Variants in GRIK1 observed in about 807,000 individuals in gnomAD.
GRIK1 encodes the protein glutamate ionotropic receptor kainate type subunit 1, also known as glutamate receptor ionotropic, kainate 1.
GRIK1 carries 69 observed loss-of-function variants against 105.7 expected under a neutral mutation model. The observed-to-expected ratio is 0.65, with a 90% CI of 0.54 to 0.80. The LOEUF (loss-of-function observed/expected upper bound fraction) is 0.80, where lower values mean the gene tolerates loss of function less well. Ranked by LOEUF, GRIK1 falls within the 30% of genes least tolerant of loss-of-function variation. The pLI is 0.00. For missense variants in GRIK1, 1,109 were observed against 1,167.3 expected (o/e 0.95, Z 0.73); for synonymous variants, 438 against 431.3 (o/e 1.02, Z -0.19).
intron 1 of GRIK1, among the ~76,000 whole-genome samples, chr21:29,883,121 G>A (rs1234820966): frequency 6.6e-6 from 1 of 152,010 alleles, no homozygotes; most frequent in Non-Finnish European, 1.5e-5. Flanking sequence ...ATGCTCATCT[G>A]GAAGCAGTAT....
At chr21:29,650,465 AG>A (rs1470906332) in intron 6 of GRIK1, among the ~76,000 whole-genome samples, 1 of 152,206 alleles carries the variant, frequency 6.6e-6, no homozygotes, top group Non-Finnish European at 1.5e-5. Flanking sequence ...AGAGAAATAT[AG>A]TGAAGGTAGG....
intron 1 of GRIK1, among the ~76,000 whole-genome samples, chr21:29,831,084 C>T (rs1471095357): frequency 6.6e-6 from 1 of 152,114 alleles, no homozygotes; most frequent in African/African-American, 2.4e-5. Context: ...TCTATTACTA[C>T]CATTTATTAC....
intron 1 of GRIK1, among the ~76,000 whole-genome samples, chr21:29,785,885 T>C (rs1318158233): frequency 6.6e-6 from 1 of 152,184 alleles, no homozygotes; most frequent in Non-Finnish European, 1.5e-5. Context: ...CAAGCCTATA[T>C]TGCCTCTGTC....
At chr21:29,687,011 AAGAG>A (rs1198703473) in intron 3 of GRIK1, among the ~76,000 whole-genome samples, 1 of 152,168 alleles carries the variant, frequency 6.6e-6, no homozygotes, top group Non-Finnish European at 1.5e-5. Context: ...ACATCCAGGA[AAGAG>A]AGAGAAGAGA....
intron 7 of GRIK1, among the ~76,000 whole-genome samples, chr21:29,609,570 G>A (rs1008912753): frequency 6.6e-6 from 1 of 152,204 alleles, no homozygotes; most frequent in Admixed American, 6.5e-5. Context: ...CTCCGCTGTG[G>A]TTGGGCATCA....
chr21:29,793,062 C>T (rs755155281), intron 1 of GRIK1, among the ~76,000 whole-genome samples: 4 of 152,120 alleles, frequency 2.6e-5, no homozygotes, highest in East Asian at 1.9e-4. Context: ...CTCCCTCATA[C>T]GCAGGCTGTG....
chr21:29,795,274 GT>G (rs2066526934), intron 1 of GRIK1, among the ~76,000 whole-genome samples: 1 of 151,988 alleles, frequency 6.6e-6, no homozygotes, highest in Admixed American at 6.6e-5. Flanking sequence ...GACCTCAGGT[GT>G]TCCGCCTGCC....
At chr21:29,895,503 A>G (rs1361775883) in intron 1 of GRIK1, among the ~76,000 whole-genome samples, 1 of 152,238 alleles carries the variant, frequency 6.6e-6, no homozygotes, top group Non-Finnish European at 1.5e-5. Flanking sequence ...TTACAAAATC[A>G]AAAGGGATAT....
At chr21:29,750,674 AT>A (rs150629051) in intron 1 of GRIK1, among the ~76,000 whole-genome samples, 3,163 of 152,248 alleles carry the variant, frequency 0.021, 127 homozygotes, top group African/African-American at 0.072. Flanking sequence ...AGAGAGAAGA[AT>A]TGAGAGAAGC....
chr21:29,744,332 A>T (rs948257596), intron 1 of GRIK1, among the ~76,000 whole-genome samples: 2 of 151,772 alleles, frequency 1.3e-5, no homozygotes, highest in Non-Finnish European at 2.9e-5. Flanking sequence ...TCTCTTTCCC[A>T]CTCTCTAGAG....
At chr21:29,604,836 G>A (rs901007000) in intron 7 of GRIK1, among the ~76,000 whole-genome samples, 1 of 152,020 alleles carries the variant, frequency 6.6e-6, no homozygotes, top group African/African-American at 2.4e-5. Context: ...TCAAGAGACA[G>A]GAATCAAGAG....
At chr21:29,565,842 C>T (rs892759115) in intron 14 of GRIK1, among the ~76,000 whole-genome samples, 1 of 152,188 alleles carries the variant, frequency 6.6e-6, no homozygotes, top group Non-Finnish European at 1.5e-5. Flanking sequence ...CTAGACCAAC[C>T]CCTTCCTATC....
intron 1 of GRIK1, among the ~76,000 whole-genome samples, chr21:29,707,066 A>G (rs553092662): frequency 4.0e-5 from 6 of 151,656 alleles, no homozygotes; most frequent in Admixed American, 6.6e-5. Flanking sequence ...GGGTTTCACC[A>G]TGTTAGGCAG....
At chr21:29,706,171 G>C (rs984125561) in intron 1 of GRIK1, among the ~76,000 whole-genome samples, 2 of 152,072 alleles carry the variant, frequency 1.3e-5, no homozygotes, top group Non-Finnish European at 2.9e-5. Flanking sequence ...ACCATGCGTG[G>C]CCTCTTCTTT....
chr21:29,805,910 C>T (rs1305764455), intron 1 of GRIK1, among the ~76,000 whole-genome samples: 1 of 152,102 alleles, frequency 6.6e-6, no homozygotes, highest in African/African-American at 2.4e-5. Context: ...CATCATAAAT[C>T]AGCATTTCTC....
intron 1 of GRIK1, among the ~76,000 whole-genome samples, chr21:29,832,671 A>C (rs923719176): frequency 6.6e-6 from 1 of 152,160 alleles, no homozygotes; most frequent in Non-Finnish European, 1.5e-5. Flanking sequence ...GAGGTTTTAC[A>C]AGACAGTAGG....
chr21:29,809,892 G>C (rs2066964729), intron 1 of GRIK1, among the ~76,000 whole-genome samples: 1 of 152,188 alleles, frequency 6.6e-6, no homozygotes, highest in Non-Finnish European at 1.5e-5. Flanking sequence ...GAGATGAAGA[G>C]AAATGGAGGA....
intron 1 of GRIK1, among the ~76,000 whole-genome samples, chr21:29,882,044 G>A (rs539742487): frequency 4.6e-5 from 7 of 152,042 alleles, no homozygotes; most frequent in African/African-American, 7.2e-5. Context: ...TGGGGTAAAG[G>A]TATCTGAGGC....
At chr21:29,720,961 TCA>T (rs1336280679) in intron 1 of GRIK1, among the ~76,000 whole-genome samples, 1 of 151,876 alleles carries the variant, frequency 6.6e-6, no homozygotes, top group East Asian at 1.9e-4. Flanking sequence ...TAAACTCCTA[TCA>T]CCGGAGAGGA....
Sources: gnomAD v4.1 joint callset for allele counts (sites outside exome capture counted in the v4.1 genomes callset) on GRCh38, gnomAD v4.1.1 for gene constraint, MANE v1.5 for transcripts, NCBI Gene and HGNC (gene_info 2026-07-23, HGNC 2026-07-21) for gene names.